Variants in NFIL3 observed in about 807,000 individuals in gnomAD.
NFIL3 encodes the protein nuclear factor interleukin-3-regulated protein.
Under a neutral mutation model 10.0 loss-of-function variants are expected in NFIL3, and 5 were observed. That is an observed-to-expected ratio of 0.50 (90% CI 0.26 to 1.06). The LOEUF (loss-of-function observed/expected upper bound fraction) is 1.06, where lower values mean the gene tolerates loss of function less well. Among genes scored for constraint, NFIL3 ranks in the 50% least tolerant of loss-of-function variants. NFIL3 has a pLI of 0.13. For synonymous variants in NFIL3, 202 were observed against 206.5 expected, an observed-to-expected ratio of 0.98 and a Z score of 0.19; for missense variants, 436 against 547.6, an observed-to-expected ratio of 0.80 and a Z score of 2.03.
At chr9:91,464,691 G>A in the NFIL3 span, among the ~76,000 whole-genome samples, 2 of 152,044 alleles carry the variant, frequency 1.3e-5, no homozygotes, top group Non-Finnish European at 1.5e-5. Context: ...TTTTGGCAGG[G>A]CCAATTTGCT....
the NFIL3 span, among the ~76,000 whole-genome samples, chr9:91,453,679 T>C: frequency 6.6e-6 from 1 of 152,058 alleles, no homozygotes; most frequent in African/African-American, 2.4e-5. Flanking sequence ...TTATACAGAT[T>C]AGTCTAAAAT....
At chr9:91,452,498 G>C in the NFIL3 span, among the ~76,000 whole-genome samples, 1 of 152,172 alleles carries the variant, frequency 6.6e-6, no homozygotes, top group Non-Finnish European at 1.5e-5. Flanking sequence ...AGCTAGGCCA[G>C]GTGCGGTGGC....
chr9:91,478,105 GTGAATC>G, the NFIL3 span, among the ~76,000 whole-genome samples: 1 of 152,098 alleles, frequency 6.6e-6, no homozygotes, highest in Non-Finnish European at 1.5e-5. Flanking sequence ...TTCAACCTTG[GTGAATC>G]TGATGATTAT....
chr9:91,427,460 T>A (rs1833883362), upstream of NFIL3, among the ~76,000 whole-genome samples: 1 of 152,220 alleles, frequency 6.6e-6, no homozygotes, highest in African/African-American at 2.4e-5. Flanking sequence ...AGCCCTTTGG[T>A]GACCTCCTGT....
the NFIL3 span, among the ~76,000 whole-genome samples, chr9:91,437,491 C>A: frequency 6.6e-6 from 1 of 152,182 alleles, no homozygotes; most frequent in African/African-American, 2.4e-5. Context: ...CACACAGTTA[C>A]ACTTTTGTTA....
the NFIL3 span, among the ~76,000 whole-genome samples, chr9:91,444,357 T>C: frequency 6.6e-6 from 1 of 152,226 alleles, no homozygotes; most frequent in African/African-American, 2.4e-5. Flanking sequence ...GAATTATCTA[T>C]CTGTATTCTT....
At chr9:91,477,633 T>C in the NFIL3 span, among the ~76,000 whole-genome samples, 15 of 152,036 alleles carry the variant, frequency 9.9e-5, no homozygotes, top group African/African-American at 3.4e-4. Context: ...TAATTCACTA[T>C]AAAAAGTACT....
chr9:91,461,563 G>A, the NFIL3 span, among the ~76,000 whole-genome samples: 1 of 152,142 alleles, frequency 6.6e-6, no homozygotes. Flanking sequence ...GGAGGCTCTT[G>A]GGAAGACCTT....
At chr9:91,473,094 G>A in the NFIL3 span, among the ~76,000 whole-genome samples, 1 of 152,164 alleles carries the variant, frequency 6.6e-6, no homozygotes, top group East Asian at 1.9e-4. Flanking sequence ...ATCTCAGAGA[G>A]TCACCCAGCT....
the NFIL3 span, among the ~76,000 whole-genome samples, chr9:91,465,240 G>T: frequency 2.6e-5 from 4 of 152,014 alleles, no homozygotes; most frequent in African/African-American, 9.6e-5. Context: ...TGCCCATTTT[G>T]ATATTGTCCC....
In NFIL3 at chr9:91,410,604, T is replaced by C; in HGVS notation, c.131A>G (p.Glu44Gly). 5.0e-6 allele frequency: 8 copies of C among 1,614,248 alleles called. No homozygotes were observed. The highest frequency in any genetic ancestry group is 6.8e-6 in the Non-Finnish European group (8 of 1,180,038). Residue 44 changes from glutamate (E) to glycine (G), a missense_variant, in exon 2 of 2, where the codon GAG becomes GGG. This residue lies in a region of NFIL3 where 76 missense variants were observed against 73.0 expected (regional missense o/e 1.04). Transcript: ENST00000297689. This position sits in a 1 kb window ranked among gnomAD's most constrained non-coding sequence, Gnocchi z 5.7. ...EVSEDSTTGE[E>G]LLLSEGSVGK... ...CACACTTCCTTCACTGAGAAGCAGC[T>C]CCTCACCTGTTGTGGAGTCTTCTGA...
the NFIL3 span, among the ~76,000 whole-genome samples, chr9:91,478,069 G>A: frequency 6.6e-6 from 1 of 152,076 alleles, no homozygotes; most frequent in Admixed American, 6.5e-5. Context: ...TTTCTCTCTG[G>A]CTGCCCTTAA....
At chr9:91,466,815 A>G in the NFIL3 span, among the ~76,000 whole-genome samples, 1 of 152,150 alleles carries the variant, frequency 6.6e-6, no homozygotes, top group African/African-American at 2.4e-5. Flanking sequence ...GTGATGGTTA[A>G]TGTTATGCGT....
the NFIL3 span, among the ~76,000 whole-genome samples, chr9:91,473,312 G>A: frequency 6.6e-6 from 1 of 152,238 alleles, no homozygotes; most frequent in Admixed American, 6.5e-5. Flanking sequence ...GCCCCCAGAG[G>A]TGAAGTCTAC....
chr9:91,478,659 A>T, the NFIL3 span, among the ~76,000 whole-genome samples: 31 of 152,022 alleles, frequency 2.0e-4, no homozygotes, highest in African/African-American at 7.2e-4. Flanking sequence ...CGTCAAAGTC[A>T]CTTTCCGTCC....
At chr9:91,421,880 T>C (rs963489622) in intron 1 of NFIL3, among the ~76,000 whole-genome samples, 2 of 152,236 alleles carry the variant, frequency 1.3e-5, no homozygotes, top group African/African-American at 4.8e-5. Context: ...TATACATATA[T>C]TCACACATAA....
At chr9:91,421,792 G>C (rs1481601499) in intron 1 of NFIL3, among the ~76,000 whole-genome samples, 1 of 152,130 alleles carries the variant, frequency 6.6e-6, no homozygotes, top group Non-Finnish European at 1.5e-5. Flanking sequence ...CTCTGTTCCA[G>C]AGACGTCCAC....
At chr9:91,473,375 C>T in the NFIL3 span, among the ~76,000 whole-genome samples, 1 of 152,224 alleles carries the variant, frequency 6.6e-6, no homozygotes. Flanking sequence ...CTTTGAGCTT[C>T]CTAGTGCCTT....
chr9:91,424,064 C>T (rs937103659), upstream of NFIL3, among the ~76,000 whole-genome samples: 1 of 151,064 alleles, frequency 6.6e-6, no homozygotes, highest in African/African-American at 2.4e-5. Context: ...GCCAGGGCCA[C>T]CGCCGTCCGA....
Sources: allele counts gnomAD v4.1 joint callset (sites outside exome capture counted in the v4.1 genomes callset), GRCh38; gene constraint gnomAD v4.1.1; regional missense constraint gnomAD v4.1.1; non-coding constraint Gnocchi (gnomAD v3.1); transcripts MANE v1.5; gene names NCBI Gene and HGNC (gene_info 2026-07-23, HGNC 2026-07-21).